Variants in ZNF460 observed in about 807,000 individuals in gnomAD.
ZNF460 encodes zinc finger protein 272.
A neutral mutation model predicts 8.4 loss-of-function variants in ZNF460; 1 was observed. The ratio of observed to expected loss-of-function variants is 0.12; its 90% CI spans 0.04 to 0.56. The LOEUF is 0.56. Ranked by LOEUF, ZNF460 falls within the 20% of genes least tolerant of loss-of-function variation. The probability of loss-of-function intolerance (pLI) is 0.91; values close to 1 mark genes in which losing one functional copy is unlikely to be tolerated. For synonymous variants in ZNF460, 262 were observed against 259.9 expected, an observed-to-expected ratio of 1.01 and a Z score of -0.08; for missense variants, 477 against 714.8, an observed-to-expected ratio of 0.67 and a Z score of 3.79.
intron 2 of ZNF460, among the ~76,000 whole-genome samples, chr19:57,288,632 G>A (rs1479349781): frequency 6.6e-6 from 1 of 152,156 alleles, no homozygotes; most frequent in Non-Finnish European, 1.5e-5. Context: ...GGCAAGATTT[G>A]AACTGAGATG....
At chr19:57,289,945 A>G (rs1460058671) in intron 2 of ZNF460, among the ~76,000 whole-genome samples, 1 of 152,028 alleles carries the variant, frequency 6.6e-6, no homozygotes, top group Non-Finnish European at 1.5e-5. Flanking sequence ...GTTCTAGACC[A>G]GTCTGGCCAA....
At position 57,280,561 on chromosome 19, in the gene ZNF460, C is replaced by T. The variant is rs1237305096; in HGVS notation, c.-246C>T. Reference sequence around the variant, plus strand: ...AGGGACGGGTAGTGAAGCGGTTACGCCCCTTCTTCGCGTCTTGGCGGGAGC... The same window carrying T: ...AGGGACGGGTAGTGAAGCGGTTACGTCCCTTCTTCGCGTCTTGGCGGGAGC... On this transcript the variant is annotated 5_prime_UTR_variant, in exon 1 of 3. Coordinates refer to ENST00000360338, the MANE Select transcript of ZNF460 (RefSeq NM_006635.4). 6.9e-6 allele frequency: 4 copies of T among 583,614 alleles called. No individual in the cohort carries two copies. The highest frequency in any genetic ancestry group is 1.2e-5 in the Non-Finnish European group (4 of 327,930). The allele number at this position is 583,614 out of a possible 1,614,324, so 36.2% of individuals were successfully genotyped here.
chr19:57,283,114 G>C (rs912521735), intron 1 of ZNF460, among the ~76,000 whole-genome samples: 3 of 151,508 alleles, frequency 2.0e-5, no homozygotes, highest in African/African-American at 7.3e-5. Context: ...GGTAAATTCA[G>C]ATGCTGTGGC....
At chr19:57,281,600 C>T (rs57659609) in intron 1 of ZNF460, among the ~76,000 whole-genome samples, 7 of 77,450 alleles carry the variant, frequency 9.0e-5, no homozygotes, top group African/African-American at 1.6e-4. Context: ...GAGTCTTGTT[C>T]TGTCGCCCAG....
intron 2 of ZNF460, among the ~76,000 whole-genome samples, chr19:57,285,532 C>A (rs1423292154): frequency 1.3e-5 from 2 of 152,198 alleles, no homozygotes; most frequent in African/African-American, 4.8e-5. Flanking sequence ...GATAATAGGG[C>A]CATTGCAATG....
In ZNF460 at chr19:57,293,199, C is replaced by G. The variant is rs1238922116; in HGVS notation, c.*969C>G. On this transcript the variant is annotated 3_prime_UTR_variant, in exon 3 of 3. Transcript: ENST00000360338. Reference sequence around the variant, plus strand: ...AGAGTAAATAGTTCAAAATTCACCTCAACAATTTTCTAGAGGTCAATTTGG... The same window carrying G: ...AGAGTAAATAGTTCAAAATTCACCTGAACAATTTTCTAGAGGTCAATTTGG... The G allele has an allele frequency of 6.6e-6, 1 of 152,070 alleles. No individual in the cohort carries two copies. The highest frequency in any genetic ancestry group is 1.5e-5 in the Non-Finnish European group (1 of 67,990). The allele number at this position is 152,070 out of a possible 1,614,324, so 9.4% of individuals were successfully genotyped here. A position where few individuals can be genotyped will look rare whatever the true frequency, so the allele number is the denominator to read the frequency against.
intron 2 of ZNF460, among the ~76,000 whole-genome samples, chr19:57,285,341 A>T (rs1385766312): frequency 6.6e-6 from 1 of 152,072 alleles, no homozygotes; most frequent in African/African-American, 2.4e-5. Context: ...TGCTCCTGTC[A>T]CTGTCTTTTT....
At chr19:57,281,672 T>A (rs532910788) in intron 1 of ZNF460, among the ~76,000 whole-genome samples, 1 of 150,730 alleles carries the variant, frequency 6.6e-6, no homozygotes, top group African/African-American at 2.4e-5. Flanking sequence ...TTCAAGCGAT[T>A]CTCCTGCCTC....
chr19:57,291,285 A>G lies in ZNF460; in HGVS notation c.744A>G (p.Gly248=). Residue 248 remains glycine (G), a synonymous_variant, in exon 3 of 3, where the codon GGA becomes GGG. Transcript: ENST00000360338. The surrounding 1 kb of genome is among the most constrained non-coding windows in gnomAD (Gnocchi z 8.4). ...HLTRHQRTHN[G]DKPFVCSECG... The stretch of plus-strand genomic sequence containing the variant: ...CACGGCACCAGCGGACTCACAATGG[A>G]GATAAGCCCTTTGTGTGCAGTGAAT... 1 of 1,613,488 alleles carries G rather than the reference A, an allele frequency of 6.2e-7. No individual in the cohort carries two copies. Among genetic ancestry groups the G allele is most frequent in the Non-Finnish European group, 8.5e-7 (1 of 1,179,924 alleles).
chr19:57,281,957 A>T (rs2087843705), intron 1 of ZNF460: 1 of 152,206 alleles, frequency 6.6e-6, no homozygotes, highest in Non-Finnish European at 1.5e-5. Context: ...TAAGTCAGAA[A>T]CTAACAACTG....
chr19:57,284,002 A>C (rs910831981), intron 1 of ZNF460, among the ~76,000 whole-genome samples: 1 of 152,070 alleles, frequency 6.6e-6, no homozygotes, highest in African/African-American at 2.4e-5. Flanking sequence ...AGCATGAGGC[A>C]GGCACACAGG....
At chr19:57,288,681 A>G (rs938627805) in intron 2 of ZNF460, among the ~76,000 whole-genome samples, 5 of 152,128 alleles carry the variant, frequency 3.3e-5, no homozygotes, top group African/African-American at 1.2e-4. Flanking sequence ...TCCCTTCAAT[A>G]TGAACTCACG....
rs2087928542 is a variant in ZNF460, at chr19:57,292,810, C to G, written c.*580C>G. On this transcript the variant is annotated 3_prime_UTR_variant, in exon 3 of 3. Transcript: ENST00000360338. ...TTTGTTTGAAAACATTTTGTGAAAG[C>G]CTGCTTTGTTCCACAGCATTGTCTC... The G allele has an allele frequency of 6.5e-6, 1 of 152,764 alleles. No individual in the cohort carries two copies. The highest frequency in any genetic ancestry group is 6.5e-5 in the Admixed American group (1 of 15,366). The allele number at this position is 152,764 out of a possible 1,614,324, so 9.5% of individuals were successfully genotyped here.
intron 2 of ZNF460, among the ~76,000 whole-genome samples, chr19:57,286,913 G>A (rs1328564765): frequency 2.7e-5 from 4 of 149,460 alleles, no homozygotes; most frequent in Admixed American, 6.7e-5. Flanking sequence ...GCAGTGAGCC[G>A]AGATCGTGCC....
Position 57,286,164 on chromosome 19 carries a change from G to A in ZNF460, c.157+1487G>A, listed in dbSNP as rs183663473. ...GTTACTGTATTTTTAGAAGTTGAATGTTTGTGGCAACCCTGAATTGAGCAA... is the reference window on the plus strand; with the variant it reads ...GTTACTGTATTTTTAGAAGTTGAATATTTGTGGCAACCCTGAATTGAGCAA... On this transcript the variant is annotated intron_variant, in intron 2 of 2. Coordinates refer to ENST00000360338, the MANE Select transcript of ZNF460 (RefSeq NM_006635.4). 2.8e-3 allele frequency among the ~76,000 whole-genome samples: 424 copies of A among 152,294 alleles called. 3 individuals carry two copies. The highest frequency in any genetic ancestry group is 9.8e-3 in the African/African-American group (407 of 41,570).
chr19:57,288,297 G>A (rs763574131), intron 2 of ZNF460, among the ~76,000 whole-genome samples: 1 of 152,128 alleles, frequency 6.6e-6, no homozygotes, highest in Non-Finnish European at 1.5e-5. Context: ...CAAACTCCTG[G>A]GCTCAAGCAG....
At chr19:57,290,617 T>C in intron 2 of ZNF460, 82 bp from the exon 3 acceptor site, 1 of 1,295,198 alleles carries the variant, frequency 7.7e-7, no homozygotes, top group Non-Finnish European at 1.1e-6. Flanking sequence ...ACTATTTTCA[T>C]CTTATTGTTC....
At chr19:57,283,426 C>T (rs1037282234) in intron 1 of ZNF460, among the ~76,000 whole-genome samples, 2 of 150,902 alleles carry the variant, frequency 1.3e-5, no homozygotes, top group African/African-American at 2.4e-5. Context: ...CCTCAGCCTC[C>T]GAAACTGCTG....
intron 2 of ZNF460, among the ~76,000 whole-genome samples, chr19:57,290,379 G>C (rs941320698): frequency 3.9e-5 from 6 of 151,924 alleles, no homozygotes; most frequent in African/African-American, 1.5e-4. Flanking sequence ...CCAGGTTCAA[G>C]CGATTCTCCT....
Sources: allele counts gnomAD v4.1 joint callset (sites outside exome capture counted in the v4.1 genomes callset), GRCh38; gene constraint gnomAD v4.1.1; non-coding constraint Gnocchi (gnomAD v3.1); transcripts MANE v1.5; gene names NCBI Gene and HGNC (gene_info 2026-07-23, HGNC 2026-07-21).